The following SGCZ variants were observed in gnomAD, a reference collection of about 807,000 sequenced individuals.
SGCZ encodes the protein sarcoglycan zeta.
SGCZ carries 40 observed loss-of-function variants against 41.3 expected under a neutral mutation model. The observed-to-expected ratio is 0.97, with a 90% CI of 0.75 to 1.26. The LOEUF is 1.26. Ranked by LOEUF, SGCZ falls within the 50% of genes most tolerant of loss-of-function variation. The probability of loss-of-function intolerance (pLI) is 0.00; values close to 1 mark genes in which losing one functional copy is unlikely to be tolerated. For synonymous variants in SGCZ, 206 were observed against 137.5 expected (o/e 1.50, Z -3.49); for missense variants, 552 against 369.8 (o/e 1.49, Z -4.04).
At chr8:14,889,862 C>T (rs865999355) in intron 1 of SGCZ, among the ~76,000 whole-genome samples, 1 of 151,942 alleles carries the variant, frequency 6.6e-6, no homozygotes, top group South Asian at 2.1e-4. Context: ...ATATAATGGC[C>T]TCTAAGTGAA....
chr8:15,122,517 G>A (rs1402366530), intron 1 of SGCZ, among the ~76,000 whole-genome samples: 1 of 152,076 alleles, frequency 6.6e-6, no homozygotes, highest in African/African-American at 2.4e-5. Context: ...GAAAGGATAA[G>A]CACAAATGAT....
chr8:14,791,614 T>C (rs1800956260), intron 1 of SGCZ, among the ~76,000 whole-genome samples: 1 of 152,174 alleles, frequency 6.6e-6, no homozygotes, highest in Admixed American at 6.5e-5. Flanking sequence ...CATTACAATA[T>C]AACCAAGCGT....
intron 1 of SGCZ, among the ~76,000 whole-genome samples, chr8:14,857,406 T>C (rs747059986): frequency 2.6e-5 from 4 of 152,336 alleles, no homozygotes; most frequent in South Asian, 2.1e-4. Flanking sequence ...ACGATTCTTT[T>C]AGTTAATTTG....
At chr8:15,086,079 G>T (rs1023874205) in intron 1 of SGCZ, among the ~76,000 whole-genome samples, 2 of 152,124 alleles carry the variant, frequency 1.3e-5, no homozygotes, top group African/African-American at 4.8e-5. Context: ...CATGGATATT[G>T]CATAATAAAA....
chr8:15,219,987 T>C (rs891336113), intron 1 of SGCZ, among the ~76,000 whole-genome samples: 1 of 152,186 alleles, frequency 6.6e-6, no homozygotes, highest in African/African-American at 2.4e-5. Context: ...TTAAACATAA[T>C]TCTTAAAAAT....
chr8:15,230,969 A>G (rs967084698), intron 1 of SGCZ, among the ~76,000 whole-genome samples: 1 of 152,228 alleles, frequency 6.6e-6, no homozygotes, highest in Non-Finnish European at 1.5e-5. Flanking sequence ...CGGCAGAGCC[A>G]GGGTTTGAAC....
chr8:14,855,866 A>G (rs1361707856), intron 1 of SGCZ, among the ~76,000 whole-genome samples: 2 of 152,092 alleles, frequency 1.3e-5, no homozygotes, highest in Non-Finnish European at 2.9e-5. Context: ...ACTTCTGATG[A>G]CTCACAATGT....
intron 1 of SGCZ, among the ~76,000 whole-genome samples, chr8:14,648,514 G>A (rs1344938039): frequency 6.6e-6 from 1 of 152,014 alleles, no homozygotes; most frequent in Non-Finnish European, 1.5e-5. Flanking sequence ...ATAGTTAAAA[G>A]CTATAAGATT....
intron 1 of SGCZ, among the ~76,000 whole-genome samples, chr8:15,159,747 C>A (rs1214360974): frequency 1.8e-5 from 1 of 56,012 alleles, no homozygotes; most frequent in South Asian, 1.4e-3. Context: ...CCCACCCTCC[C>A]CCCCACCCCC....
intron 1 of SGCZ, 76 bp from the exon 2 acceptor site, chr8:14,555,002 T>C (rs1437468546): frequency 5.1e-6 from 7 of 1,364,978 alleles, no homozygotes; most frequent in Non-Finnish European, 7.0e-6. Context: ...CATGATTTTT[T>C]TGAAACAAAA....
intron 1 of SGCZ, among the ~76,000 whole-genome samples, chr8:14,838,377 G>C (rs903140354): frequency 1.3e-5 from 2 of 152,146 alleles, no homozygotes; most frequent in African/African-American, 4.8e-5. Context: ...AGAGATAGCA[G>C]AAGACTCACC....
intron 2 of SGCZ, among the ~76,000 whole-genome samples, chr8:14,542,750 C>T (rs748971006): frequency 6.6e-5 from 10 of 151,714 alleles, no homozygotes; most frequent in Admixed American, 1.3e-4. Context: ...TTTTTATTTG[C>T]ATTATTTTGG....
chr8:14,819,606 A>G (rs1456489914), intron 1 of SGCZ, among the ~76,000 whole-genome samples: 1 of 152,192 alleles, frequency 6.6e-6, no homozygotes, highest in Non-Finnish European at 1.5e-5. Context: ...GTAATGGTGC[A>G]GTGTAAATCT....
At chr8:14,723,266 G>A (rs1809947623) in intron 1 of SGCZ, among the ~76,000 whole-genome samples, 1 of 152,154 alleles carries the variant, frequency 6.6e-6, no homozygotes, top group Non-Finnish European at 1.5e-5. Context: ...TGAACCTGAA[G>A]AAAAAGAAAG....
At chr8:14,311,223 T>C (rs951302391) in intron 3 of SGCZ, among the ~76,000 whole-genome samples, 1 of 152,110 alleles carries the variant, frequency 6.6e-6, no homozygotes, top group Admixed American at 6.6e-5. Flanking sequence ...TTTTAAAATA[T>C]TGTCACTAGT....
intron 1 of SGCZ, among the ~76,000 whole-genome samples, chr8:15,130,905 T>A (rs116462964): frequency 6.6e-6 from 1 of 152,132 alleles, no homozygotes; most frequent in Non-Finnish European, 1.5e-5. Flanking sequence ...CACATCCCCA[T>A]CCATTTTATA....
At chr8:14,256,027 T>G (rs1323433015) in intron 3 of SGCZ, among the ~76,000 whole-genome samples, 1 of 152,258 alleles carries the variant, frequency 6.6e-6, no homozygotes, top group South Asian at 2.1e-4. Flanking sequence ...TAAAAACTTT[T>G]TAGTAAAACT....
Position 14,698,983 on chromosome 8 carries a change from CG to C in SGCZ, c.40-144058del, listed in dbSNP as rs376898607. On this transcript the variant is annotated intron_variant, in intron 1 of 7. Transcript: ENST00000382080. ...AGTATATAAGATACGAAATAAAATA[CG>C]GTAATAAACTATGATAAAAGTTAGA... 2.6e-3 allele frequency among the ~76,000 whole-genome samples: 391 copies of C among 151,732 alleles called. 3 individuals carry two copies. Among genetic ancestry groups the C allele is most frequent in the African/African-American group, 7.6e-3 (313 of 41,438 alleles).
At chr8:14,335,824 T>C (rs1400901130) in intron 2 of SGCZ, among the ~76,000 whole-genome samples, 1 of 152,158 alleles carries the variant, frequency 6.6e-6, no homozygotes, top group Non-Finnish European at 1.5e-5. Flanking sequence ...TGTCAGCTTG[T>C]CATTATACCT....
Sources: allele counts gnomAD v4.1 joint callset (sites outside exome capture counted in the v4.1 genomes callset), GRCh38; gene constraint gnomAD v4.1.1; transcripts MANE v1.5; gene names NCBI Gene and HGNC (gene_info 2026-07-23, HGNC 2026-07-21).